The following TEX9 variants were observed in gnomAD, a reference collection of about 807,000 sequenced individuals.
The protein encoded by TEX9 is testis-expressed protein 9.
In TEX9, 74 loss-of-function variants were observed where a neutral mutation model predicts 59.6. The observed-to-expected ratio is 1.24, with a 90% CI of 1.03 to 1.51. TEX9 has a LOEUF of 1.51. Ranked by LOEUF, TEX9 falls within the 40% of genes most tolerant of loss-of-function variation. TEX9 has a pLI of 0.00. For synonymous variants in TEX9, 186 were observed against 152.2 expected, an observed-to-expected ratio of 1.22 and a Z score of -1.64; for missense variants, 522 against 447.8, an observed-to-expected ratio of 1.17 and a Z score of -1.49.
At chr15:56,349,588 C>A (rs75082107) in intron 1 of TEX9, among the ~76,000 whole-genome samples, 3,354 of 152,150 alleles carry the variant, frequency 0.022, 44 homozygotes, top group Non-Finnish European at 0.034. Context: ...ATAGGAAACC[C>A]ACACCCTGCT....
rs138248597 is a variant in TEX9, at chr15:56,276,194, G to T, written c.-107+31916G>T. On this transcript the variant is annotated intron_variant, in intron 1 of 5. Transcript: ENST00000560827. ...TATTTTATTTTACTTTAAGTTCTGG[G>T]ATACATGTGCTGAATGTGCAGGTTT... Among the ~76,000 whole-genome samples the T allele has an allele frequency of 8.0e-3, 1,219 of 151,720 alleles. 11 individuals are homozygous for T. The highest frequency in any genetic ancestry group is 0.018 in the South Asian group (87 of 4,796).
chr15:56,332,827 A>G (rs1596097246), intron 1 of TEX9, among the ~76,000 whole-genome samples: 1 of 152,262 alleles, frequency 6.6e-6, no homozygotes, highest in Non-Finnish European at 1.5e-5. Context: ...ATCAGAGGTG[A>G]AAAAGGAGAC....
chr15:56,267,441 T>C (rs1249521617), intron 1 of TEX9, among the ~76,000 whole-genome samples: 2 of 152,230 alleles, frequency 1.3e-5, no homozygotes, highest in African/African-American at 4.8e-5. Context: ...GGTTTTCTTC[T>C]AGGGATTGTA....
intron 1 of TEX9, among the ~76,000 whole-genome samples, chr15:56,333,773 A>T (rs2046206060): frequency 1.3e-5 from 2 of 152,306 alleles, no homozygotes; most frequent in Admixed American, 6.5e-5. Context: ...TATTTGGAAA[A>T]ACATAAAGAC....
intron 1 of TEX9, among the ~76,000 whole-genome samples, chr15:56,276,389 C>G (rs1027191640): frequency 5.3e-5 from 8 of 152,108 alleles, no homozygotes; most frequent in African/African-American, 1.7e-4. Context: ...TCCATGTGTT[C>G]TCATTGTCAA....
rs369934985 is a variant in TEX9, at chr15:56,431,441, T to C, written c.*29+2968T>C. 25 of 1,613,592 alleles carry C rather than the reference T, an allele frequency of 1.5e-5. No homozygotes were observed. In the African/African-American group the frequency reaches 2.9e-4, roughly 19 times the overall value. ...AGTTTTAGCCTTTCTTCTTCAATAA[T>C]TGCATTAATAAATCCTTGCCGCCTT... On this transcript the variant is annotated intron_variant, in intron 12 of 12. Coordinates refer to ENST00000352903, the Ensembl canonical transcript of TEX9.
At chr15:56,343,123 G>A (rs965618054) in intron 1 of TEX9, among the ~76,000 whole-genome samples, 2 of 151,886 alleles carry the variant, frequency 1.3e-5, no homozygotes, top group African/African-American at 4.8e-5. Flanking sequence ...AAATCTGATA[G>A]GTTTATAAAA....
downstream of TEX9, among the ~76,000 whole-genome samples, chr15:56,450,723 A>T (rs2050941732): frequency 6.6e-6 from 1 of 152,206 alleles, no homozygotes. Context: ...TTTGTATACA[A>T]GTATCCATTT....
At chr15:56,400,970 T>G (rs2048738809) in intron 9 of TEX9, among the ~76,000 whole-genome samples, 2 of 151,772 alleles carry the variant, frequency 1.3e-5, no homozygotes, top group Admixed American at 1.3e-4. Flanking sequence ...TTACAAGAGC[T>G]CCTGAAGAAA....
the TEX9 span, among the ~76,000 whole-genome samples, chr15:56,452,029 C>A: frequency 6.6e-6 from 1 of 152,088 alleles, no homozygotes; most frequent in Non-Finnish European, 1.5e-5. Context: ...TTTACTATAA[C>A]TACTAATATA....
intron 8 of TEX9, 21 bp downstream of exon 8, chr15:56,394,268 A>C: frequency 6.4e-7 from 1 of 1,561,160 alleles, no homozygotes; most frequent in East Asian, 2.3e-5. Flanking sequence ...AAAACCTCTT[A>C]AAAGGCTCTA....
At chr15:56,387,823 G>C (rs2048029293) in intron 4 of TEX9, among the ~76,000 whole-genome samples, 1 of 151,970 alleles carries the variant, frequency 6.6e-6, no homozygotes, top group Non-Finnish European at 1.5e-5. Context: ...ATAAATGAGT[G>C]AGTGGGTGGA....
chr15:56,249,900 G>A (rs1226912456), intron 1 of TEX9, among the ~76,000 whole-genome samples: 1 of 152,090 alleles, frequency 6.6e-6, no homozygotes, highest in African/African-American at 2.4e-5. Context: ...AACCTCATAT[G>A]GATGCACAAT....
At chr15:56,250,094 G>A (rs997393011) in intron 1 of TEX9, among the ~76,000 whole-genome samples, 4 of 152,166 alleles carry the variant, frequency 2.6e-5, no homozygotes, top group African/African-American at 9.7e-5. Context: ...TACTCCAGCA[G>A]AATTAAGGCT....
At chr15:56,434,160 C>T (rs1428933655) in intron 12 of TEX9, 9 of 1,612,980 alleles carry the variant, frequency 5.6e-6, no homozygotes, top group South Asian at 4.4e-5. Flanking sequence ...GAATTGTTGG[C>T]GACGCTCTTC....
Position 56,412,293 on chromosome 15 carries a change from A to G in TEX9, c.829-9A>G. ...TTATAAATGTTCCATAATCTTTTTT[A>G]CTATACAGGAATTAGAAAATAAAAG... On this transcript the variant is annotated splice_polypyrimidine_tract_variant and intron_variant, in intron 9 of 12. Transcript: ENST00000352903. 1 of 1,586,916 alleles carries G rather than the reference A, an allele frequency of 6.3e-7. No homozygotes were observed. Among genetic ancestry groups the G allele is most frequent in the Non-Finnish European group, 8.5e-7 (1 of 1,172,152 alleles).
intron 1 of TEX9, among the ~76,000 whole-genome samples, chr15:56,329,793 A>C (rs1282389812): frequency 6.6e-6 from 1 of 152,224 alleles, no homozygotes; most frequent in Non-Finnish European, 1.5e-5. Context: ...AGCCTACAAG[A>C]CCTAGAAAAT....
intron 3 of TEX9, among the ~76,000 whole-genome samples, chr15:56,374,917 T>C (rs1442154292): frequency 6.6e-6 from 1 of 152,238 alleles, no homozygotes; most frequent in Non-Finnish European, 1.5e-5. Context: ...CCATTGTGTA[T>C]ATGTATCACA....
chr15:56,365,282 C>T (rs78457333), upstream of TEX9: 38,901 of 845,292 alleles, frequency 0.046, 1,181 homozygotes, highest in Admixed American at 0.1. Context: ...TGGGACAGCG[C>T]CGAGTGCTGC....
Sources: gnomAD v4.1 joint callset for allele counts (sites outside exome capture counted in the v4.1 genomes callset) on GRCh38, gnomAD v4.1.1 for gene constraint, MANE v1.5 for transcripts, NCBI Gene and HGNC (gene_info 2026-07-23, HGNC 2026-07-21) for gene names.